FOCAD: variants seen among roughly 807,000 people sequenced by gnomAD.
The protein encoded by FOCAD is KIAA1797.
In FOCAD, 198 loss-of-function variants were observed where a neutral mutation model predicts 225.6. That is an observed-to-expected ratio of 0.88 (90% CI 0.78 to 0.99). FOCAD has a LOEUF of 0.99. Among genes scored for constraint, FOCAD ranks in the 50% least tolerant of loss-of-function variants. The probability of loss-of-function intolerance (pLI) is 0.00; values close to 1 mark genes in which losing one functional copy is unlikely to be tolerated. For synonymous variants in FOCAD, 897 were observed against 755.0 expected, an observed-to-expected ratio of 1.19 and a Z score of -3.08; for missense variants, 2,713 against 2,123.6, an observed-to-expected ratio of 1.28 and a Z score of -5.46.
chr9:20,840,294 T>C (rs762689681), intron 15 of FOCAD, among the ~76,000 whole-genome samples: 1 of 152,084 alleles, frequency 6.6e-6, no homozygotes, highest in South Asian at 2.1e-4. Context: ...TTTATGAACA[T>C]GGAATATCTT....
At chr9:20,817,667 T>TC (rs1411580283) in intron 11 of FOCAD, among the ~76,000 whole-genome samples, 1 of 151,208 alleles carries the variant, frequency 6.6e-6, no homozygotes, top group Non-Finnish European at 1.5e-5. Flanking sequence ...GGCTTTTTTT[T>TC]CTCTTAGCAT....
intron 35 of FOCAD, among the ~76,000 whole-genome samples, chr9:20,962,028 G>T (rs1838777842): frequency 6.6e-6 from 1 of 152,070 alleles, no homozygotes; most frequent in African/African-American, 2.4e-5. Context: ...CCCACTAATA[G>T]GCAATGCTGT....
chr9:20,993,965 A>G (rs1398202853), intron 43 of FOCAD, among the ~76,000 whole-genome samples: 3 of 152,194 alleles, frequency 2.0e-5, no homozygotes, highest in South Asian at 2.1e-4. Context: ...CCCAATGACA[A>G]TTTTTATATT....
chr9:20,931,585 A>G (rs1013413633), intron 27 of FOCAD, among the ~76,000 whole-genome samples: 6 of 152,240 alleles, frequency 3.9e-5, no homozygotes, highest in African/African-American at 1.4e-4. Context: ...AGTGACATCA[A>G]ATGTGTCCCA....
At chr9:20,679,243 GC>G (rs1363680284) in intron 2 of FOCAD, among the ~76,000 whole-genome samples, 2 of 147,484 alleles carry the variant, frequency 1.4e-5, no homozygotes, top group African/African-American at 4.9e-5. Context: ...AAGAACTTTC[GC>G]TTTTACTTAG....
chr9:20,689,272 C>T (rs577271409), intron 1 of FOCAD, among the ~76,000 whole-genome samples: 3 of 152,062 alleles, frequency 2.0e-5, no homozygotes, highest in African/African-American at 7.2e-5. Context: ...TGTTCAGGAA[C>T]AATGAGACTG....
chr9:20,837,592 A>G (rs1282124668), intron 15 of FOCAD, among the ~76,000 whole-genome samples: 1 of 151,922 alleles, frequency 6.6e-6, no homozygotes, highest in Non-Finnish European at 1.5e-5. Context: ...GAGTGTAGAG[A>G]CAGAGTCACT....
intron 15 of FOCAD, among the ~76,000 whole-genome samples, chr9:20,824,886 G>A (rs1824705950): frequency 6.6e-6 from 1 of 151,774 alleles, no homozygotes. Context: ...TTATTTTATC[G>A]ATGCTTACTA....
At chr9:20,884,713 A>C (rs557984146) in intron 20 of FOCAD, among the ~76,000 whole-genome samples, 3 of 152,272 alleles carry the variant, frequency 2.0e-5, no homozygotes, top group African/African-American at 7.2e-5. Flanking sequence ...AAATATCTCT[A>C]TCCAGATTGA....
rs564115426 is a variant in FOCAD at position 20,723,594 on chromosome 9, C to A, written c.287+3060C>A. On this transcript the variant is annotated intron_variant, in intron 4 of 43. Transcript: ENST00000338382. ...ATCCCAGTATCTGTGTTTTATCCCC[C>A]CTGTGGAAGACAAACTGTTAGTAGG... 5.3e-4 allele frequency among the ~76,000 whole-genome samples: 81 copies of A among 152,242 alleles called. 1 individual carries two copies. The South Asian group carries it at 0.015, about 27-fold the overall frequency.
chr9:20,915,895 A>C (rs1833828336), intron 23 of FOCAD, among the ~76,000 whole-genome samples: 1 of 152,148 alleles, frequency 6.6e-6, no homozygotes, highest in Non-Finnish European at 1.5e-5. Flanking sequence ...TGACCAATGA[A>C]ATATTACATT....
At chr9:20,754,474 A>G (rs1268230108) in intron 5 of FOCAD, among the ~76,000 whole-genome samples, 1 of 152,052 alleles carries the variant, frequency 6.6e-6, no homozygotes, top group Admixed American at 6.6e-5. Flanking sequence ...TTTCCATAAG[A>G]AAATCACAAC....
At chr9:20,736,471 A>G (rs1827161087) in intron 4 of FOCAD, among the ~76,000 whole-genome samples, 1 of 151,578 alleles carries the variant, frequency 6.6e-6, no homozygotes, top group South Asian at 2.1e-4. Flanking sequence ...TAGATCTCAG[A>G]TCCAGAATAA....
intron 10 of FOCAD, among the ~76,000 whole-genome samples, chr9:20,785,708 A>G (rs1170795660): frequency 2.0e-5 from 3 of 152,132 alleles, no homozygotes; most frequent in East Asian, 1.9e-4. Flanking sequence ...TAATGCTGCT[A>G]TAATCATTCA....
intron 7 of FOCAD, among the ~76,000 whole-genome samples, chr9:20,766,236 T>C (rs910309517): frequency 2.0e-5 from 3 of 152,230 alleles, no homozygotes; most frequent in Admixed American, 6.5e-5. Flanking sequence ...TCTGTGGCTT[T>C]TTAACCTAAC....
At chr9:20,809,679 T>A (rs1322621138) in intron 11 of FOCAD, among the ~76,000 whole-genome samples, 3 of 152,182 alleles carry the variant, frequency 2.0e-5, no homozygotes, top group Non-Finnish European at 2.9e-5. Flanking sequence ...AAAGTTGAGT[T>A]CAAGTTATTC....
chr9:20,680,719 C>T (rs1348166080), upstream of FOCAD, among the ~76,000 whole-genome samples: 4 of 152,138 alleles, frequency 2.6e-5, no homozygotes, highest in African/African-American at 9.7e-5. Flanking sequence ...ATAATCCCAG[C>T]ATTTTGGGAG....
chr9:20,816,140 C>G (rs1219085094), intron 11 of FOCAD, among the ~76,000 whole-genome samples: 1 of 152,104 alleles, frequency 6.6e-6, no homozygotes, highest in East Asian at 1.9e-4. Flanking sequence ...CATAAAGGAA[C>G]TGTGTACTCT....
chr9:20,878,971 A>G (rs369635244), intron 19 of FOCAD, among the ~76,000 whole-genome samples: 34 of 152,238 alleles, frequency 2.2e-4, no homozygotes, highest in African/African-American at 6.3e-4. Flanking sequence ...CACCTTCTGC[A>G]TTTGTTCTCT....
Sources: allele counts gnomAD v4.1 joint callset (sites outside exome capture counted in the v4.1 genomes callset), GRCh38; gene constraint gnomAD v4.1.1; transcripts MANE v1.5; gene names NCBI Gene and HGNC (gene_info 2026-07-23, HGNC 2026-07-21).